PPP2R5E: variants seen among roughly 807,000 people sequenced by gnomAD.
PPP2R5E encodes serine/threonine-protein phosphatase 2A 56 kDa regulatory subunit epsilon isoform.
A neutral mutation model predicts 65.3 loss-of-function variants in PPP2R5E; 4 were observed. The ratio of observed to expected loss-of-function variants is 0.06; its 90% confidence interval spans 0.03 to 0.14. The LOEUF is 0.14. PPP2R5E is among the 10% of genes least tolerant of loss of function. The probability of loss-of-function intolerance (pLI) is 1.00; values close to 1 mark genes in which losing one functional copy is unlikely to be tolerated. For synonymous variants in PPP2R5E, 183 were observed against 187.4 expected (o/e 0.98, Z 0.19); for missense variants, 274 against 556.1 (o/e 0.49, Z 5.10).
Position 63,495,664 on chromosome 14 carries a change from T to C in PPP2R5E, c.158-41779A>G, listed in dbSNP as rs907935421. Reference sequence around the variant, plus strand: ...AAAGAATATATACTAATTTCTTTTCTTTTTTTTTGGCAAGCATTTTTGGGG... The same window carrying C: ...AAAGAATATATACTAATTTCTTTTCCTTTTTTTTGGCAAGCATTTTTGGGG... On this transcript the variant is annotated intron_variant, in intron 2 of 13. Coordinates refer to ENST00000337537, the MANE Select transcript of PPP2R5E (RefSeq NM_006246.5). 2.7e-5 allele frequency among the ~76,000 whole-genome samples: 4 copies of C among 146,578 alleles called. No homozygotes were observed. The South Asian group carries it at 7.3e-4, about 27-fold the overall frequency.
chr14:63,462,077 T>A (rs902863406), intron 2 of PPP2R5E, among the ~76,000 whole-genome samples: 1 of 150,826 alleles, frequency 6.6e-6, no homozygotes, highest in South Asian at 2.1e-4. Context: ...AACTGTATTT[T>A]TTTTTTTTTT....
chr14:63,421,608 A>G (rs960790245), intron 4 of PPP2R5E, among the ~76,000 whole-genome samples: 7 of 152,236 alleles, frequency 4.6e-5, no homozygotes, highest in African/African-American at 1.2e-4. Context: ...CAGACATACA[A>G]AGTTCCCAGG....
intron 4 of PPP2R5E, among the ~76,000 whole-genome samples, chr14:63,419,652 A>G (rs1453930041): frequency 2.0e-5 from 3 of 151,814 alleles, no homozygotes; most frequent in Non-Finnish European, 4.4e-5. Context: ...TGAAGGCAAC[A>G]GTGTGCCTAG....
chr14:63,530,234 T>G (rs1214137279), intron 2 of PPP2R5E, among the ~76,000 whole-genome samples: 8 of 145,766 alleles, frequency 5.5e-5, no homozygotes, highest in African/African-American at 1.6e-4. Context: ...CCGTTTTTTT[T>G]TTTTTTTTTT....
Position 63,527,307 on chromosome 14 carries a change from T to C in PPP2R5E, c.157+12222A>G, listed in dbSNP as rs142978076. Among the ~76,000 whole-genome samples the C allele has an allele frequency of 1.5e-3, 224 of 152,356 alleles. 1 individual carries two copies. Among genetic ancestry groups the C allele is most frequent in the African/African-American group, 5.1e-3 (213 of 41,598 alleles). The stretch of plus-strand genomic sequence containing the variant: ...AAATCTGTCTCAAACTGACATTAAC[T>C]AAACAGTAATGCTGAGATTGTTCCA... On this transcript the variant is annotated intron_variant, in intron 2 of 13. Transcript: ENST00000337537.
chr14:63,488,089 TC>T (rs1891083194), intron 2 of PPP2R5E, among the ~76,000 whole-genome samples: 1 of 152,252 alleles, frequency 6.6e-6, no homozygotes, highest in African/African-American at 2.4e-5. Context: ...TTTGCTTCTT[TC>T]CACCCCATCT....
chr14:63,420,447 T>TA (rs145243596), intron 4 of PPP2R5E, among the ~76,000 whole-genome samples: 11,026 of 150,026 alleles, frequency 0.073, 410 homozygotes, highest in South Asian at 0.084. Flanking sequence ...TCTGGGACCT[T>TA]AAAAAAAAAA....
chr14:63,429,802 G>C (rs1308216326), intron 3 of PPP2R5E, among the ~76,000 whole-genome samples: 1 of 151,948 alleles, frequency 6.6e-6, no homozygotes, highest in African/African-American at 2.4e-5. Flanking sequence ...TCCTGCCTCA[G>C]CTTTCCTAGA....
intron 12 of PPP2R5E, 40 bp downstream of exon 12, chr14:63,384,404 A>C (rs1884537379): frequency 6.3e-7 from 1 of 1,585,424 alleles, no homozygotes; most frequent in Non-Finnish European, 8.6e-7. Context: ...GAAAGAGAGG[A>C]AGGGAGGAAG....
intron 2 of PPP2R5E, among the ~76,000 whole-genome samples, chr14:63,522,037 C>A (rs1380109445): frequency 2.0e-5 from 3 of 149,998 alleles, no homozygotes; most frequent in Non-Finnish European, 4.4e-5. Flanking sequence ...TCACTGCAAC[C>A]TCCCTGCCTG....
intron 2 of PPP2R5E, among the ~76,000 whole-genome samples, chr14:63,535,514 T>C (rs1893634003): frequency 6.6e-6 from 1 of 152,166 alleles, no homozygotes; most frequent in South Asian, 2.1e-4. Context: ...TAAGAATTAA[T>C]GCAGTATTAT....
intron 3 of PPP2R5E, among the ~76,000 whole-genome samples, chr14:63,430,393 A>ACATACATGCATACATACATACATGCATG (rs1887598822): frequency 7.2e-5 from 10 of 139,028 alleles, no homozygotes; most frequent in African/African-American, 3.1e-4. Flanking sequence ...ATACATACAT[A>ACATACATGCATACATACATACATGCATG]CATACATGCA....
intron 2 of PPP2R5E, among the ~76,000 whole-genome samples, chr14:63,534,160 T>C (rs749550021): frequency 8.5e-5 from 13 of 152,208 alleles, no homozygotes; most frequent in Non-Finnish European, 1.6e-4. Flanking sequence ...TTAACATAAA[T>C]TTGTGTGTGT....
intron 2 of PPP2R5E, among the ~76,000 whole-genome samples, chr14:63,520,876 A>AAAC (rs1331105850): frequency 8.1e-6 from 1 of 122,902 alleles, no homozygotes; most frequent in Non-Finnish European, 1.7e-5. Context: ...AAAAAAAAAA[A>AAAC]AAAAAAAAAA....
At chr14:63,539,221 G>A (rs1387555225) in intron 2 of PPP2R5E, among the ~76,000 whole-genome samples, 3 of 152,028 alleles carry the variant, frequency 2.0e-5, no homozygotes, top group Non-Finnish European at 4.4e-5. Flanking sequence ...ATCCCTAAAC[G>A]TCAACAGAAG....
At chr14:63,505,345 A>G (rs1475423724) in intron 2 of PPP2R5E, among the ~76,000 whole-genome samples, 1 of 152,216 alleles carries the variant, frequency 6.6e-6, no homozygotes, top group Non-Finnish European at 1.5e-5. Context: ...GTTTCCAAAG[A>G]TGCCAAAAGC....
intron 13 of PPP2R5E, among the ~76,000 whole-genome samples, chr14:63,379,267 A>G (rs930774848): frequency 2.0e-5 from 3 of 151,604 alleles, no homozygotes; most frequent in Non-Finnish European, 2.9e-5. Context: ...TAACCTCGTG[A>G]TCCGCCCGCC....
rs1191603099 is a variant in PPP2R5E, at chr14:63,426,699, C to CAA, written c.355-4607_355-4606dup. The stretch of plus-strand genomic sequence containing the variant: ...GCCTCCAGGAGTGCCAAAGGCTTAT[C>CAA]AAAAAAAAAAAAAAAAAAAAAAAAT... On this transcript the variant is annotated intron_variant, in intron 3 of 13. Transcript: ENST00000337537. Among the ~76,000 whole-genome samples, 379 of 54,748 alleles carry CAA rather than the reference C, an allele frequency of 6.9e-3. 3 individuals are homozygous for CAA. Among genetic ancestry groups the CAA allele is most frequent in the Middle Eastern group, 0.017 (1 of 60 alleles). The allele number at this position is 54,748 out of a possible 152,430, so 35.9% of individuals were successfully genotyped here.
chr14:63,520,884 A>AAAAAAAAAAAG (rs1892878901), intron 2 of PPP2R5E, among the ~76,000 whole-genome samples: 1 of 141,866 alleles, frequency 7.0e-6, no homozygotes, highest in Non-Finnish European at 1.5e-5. Flanking sequence ...AAAAAAAAAA[A>AAAAAAAAAAAG]AACAATTAGC....
Sources: gnomAD v4.1 joint callset for allele counts (sites outside exome capture counted in the v4.1 genomes callset) on GRCh38, gnomAD v4.1.1 for gene constraint, MANE v1.5 for transcripts, NCBI Gene and HGNC (gene_info 2026-07-23, HGNC 2026-07-21) for gene names.